Variants in ALAS2 observed in about 807,000 individuals in gnomAD.
ALAS2 encodes the protein 5'-aminolevulinate synthase 2, also known as 5-aminolevulinate synthase, erythroid-specific, mitochondrial.
A neutral mutation model predicts 33.7 loss-of-function variants in ALAS2; 3 were observed. The observed-to-expected ratio is 0.09, with a 90% CI of 0.04 to 0.23. The LOEUF is 0.23. Ranked by LOEUF, ALAS2 falls within the 10% of genes least tolerant of loss-of-function variation. ALAS2 has a pLI of 1.00. For missense variants in ALAS2, 304 were observed against 475.1 expected (o/e 0.64, Z 3.35); for synonymous variants, 191 against 177.3 (o/e 1.08, Z -0.61).
intron 4 of ALAS2, among the ~76,000 whole-genome samples, chrX:55,023,472 T>C: frequency 9.0e-6 from 1 of 110,807 alleles, no homozygotes; most frequent in African/African-American, 3.3e-5. Flanking sequence ...GAAGAAATAA[T>C]GGAAATAAGC....
rs182080312 is a variant in ALAS2, at chrX:55,010,707, G to A, written c.1601-1364C>T. ...AATACTACAACCCTTCTCTGAACTC[G>A]CCCCTGGCCCCTTATCCCATTCTCC... is the stretch of plus-strand genomic sequence containing the variant. On this transcript the variant is annotated intron_variant, in intron 10 of 10. Transcript: ENST00000650242. 3.6e-5 allele frequency among the ~76,000 whole-genome samples: 4 copies of A among 111,078 alleles called. No individual in the cohort carries two copies. The East Asian group carries it at 8.5e-4, about 24-fold the overall frequency.
At chrX:55,011,704 A>G (rs1935604778) in intron 10 of ALAS2, among the ~76,000 whole-genome samples, 1 of 112,015 alleles carries the variant, frequency 8.9e-6, no homozygotes, top group South Asian at 3.7e-4. Context: ...TGGATGCCTC[A>G]TATATTCTTA....
chrX:55,030,347 C>G (rs1261434825), intron 1 of ALAS2, among the ~76,000 whole-genome samples: 2 of 111,359 alleles, frequency 1.8e-5, no homozygotes, highest in African/African-American at 6.5e-5. Context: ...TCTCAATTCC[C>G]CAAATCTCTC....
chrX:55,023,552 T>G (rs945514398), intron 4 of ALAS2, among the ~76,000 whole-genome samples: 1 of 111,001 alleles, frequency 9.0e-6, no homozygotes, highest in Non-Finnish European at 1.9e-5. Flanking sequence ...CATGGTAACC[T>G]ATTGAGGTAG....
rs1309010431 is a variant in ALAS2 at position 55,023,872 on chromosome X, G to A, written c.305-5C>T. ...AGACCAGGGAGCTAGGCAGATCTGA[G>A]ACGGAATGTGAGATTCATTGGCCGT... On this transcript the variant is annotated splice_region_variant and splice_polypyrimidine_tract_variant and intron_variant, in intron 3 of 10. Coordinates refer to ENST00000650242, the MANE Select transcript of ALAS2 (RefSeq NM_000032.5). 2 of 1,183,308 alleles carry A rather than the reference G, an allele frequency of 1.7e-6. No individual in the cohort carries two copies. The highest frequency in any genetic ancestry group is 5.9e-5 in the East Asian group (2 of 33,653).
At chrX:55,015,834 T>C (rs1329533022) in intron 7 of ALAS2, 92 bp from the exon 8 acceptor site, 1 of 1,038,062 alleles carries the variant, frequency 9.6e-7, no homozygotes, top group East Asian at 3.1e-5. Context: ...CTACTTTGGG[T>C]TGGAAAAGGG....
chrX:55,019,136 G>A (rs1935755099), intron 6 of ALAS2, among the ~76,000 whole-genome samples: 2 of 110,348 alleles, frequency 1.8e-5, no homozygotes, highest in Non-Finnish European at 3.8e-5. Flanking sequence ...TAGCTAGAGA[G>A]TGATCAGGGG....
In ALAS2 at chrX:55,015,600, A is replaced by G. The variant is rs1000584823; in HGVS notation, c.1146T>C (p.Ile382=). ...IGERDGIMHK[I]DIISGTLGKA... is the part of the protein sequence containing the mutation. ...TACCAAGAGTTCCAGAGATGATGTC[A>G]ATCTTATGCATAATTCCATCACGCT... The change falls in exon 8 of 11, where the codon ATT becomes ATC. Residue 382 remains isoleucine (I), a synonymous_variant. Coordinates refer to ENST00000650242, the MANE Select transcript of ALAS2 (RefSeq NM_000032.5). 5.0e-6 allele frequency: 6 copies of G among 1,211,340 alleles called. No homozygotes were observed. The highest frequency in any genetic ancestry group is 6.7e-6 in the Non-Finnish European group (6 of 895,402).
At chrX:55,023,071 G>C (rs939616850) in intron 4 of ALAS2, among the ~76,000 whole-genome samples, 2 of 111,324 alleles carry the variant, frequency 1.8e-5, no homozygotes, top group Admixed American at 1.9e-4. Context: ...TTAACTGAAT[G>C]ATATTGAATC....
rs202150943 is a variant in ALAS2 at position 55,017,660 on chromosome X, C to T, written c.829G>A (p.Glu277Lys). 2.0e-5 allele frequency: 24 copies of T among 1,209,601 alleles called. No individual in the cohort carries two copies. The highest frequency in any genetic ancestry group is 8.7e-5 in the Admixed American group (4 of 45,797). The stretch of plus-strand genomic sequence containing the variant: ...TGGTTGCCTGCGTCTGAGTAAATCT[C>T]GCACCCTGAGGAAGCAGATGTATAA... ...FTLAKILPGCEIYSDAGNHAS... is the reference protein window; with the variant it reads ...FTLAKILPGCKIYSDAGNHAS... Residue 277 changes from glutamate to lysine, a missense_variant, in exon 7 of 11, where the codon GAG (glutamate) becomes AAG (lysine). Physicochemically the swap from Glu to Lys is moderately conservative, Grantham distance 56. Transcript: ENST00000650242.
intron 10 of ALAS2, 25 bp downstream of exon 10, chrX:55,013,461 G>A (rs781586751): frequency 1.1e-5 from 13 of 1,194,079 alleles, no homozygotes; most frequent in Admixed American, 6.6e-5. Flanking sequence ...GGGAGGTCCT[G>A]TAGGCACCCA....
chrX:55,019,309 GA>G (rs1935758817), intron 6 of ALAS2, among the ~76,000 whole-genome samples: 1 of 111,537 alleles, frequency 9.0e-6, no homozygotes, highest in Non-Finnish European at 1.9e-5. Flanking sequence ...TTAGTCACAA[GA>G]AAAAGGATAC....
At position 55,009,821 on chromosome X, in the gene ALAS2, C is replaced by G. The variant is rs185980009; in HGVS notation, c.1601-478G>C. Among the ~76,000 whole-genome samples the G allele has an allele frequency of 4.0e-3, 442 of 111,785 alleles. 3 individuals are homozygous for G. The highest frequency in any genetic ancestry group is 5.7e-3 in the Non-Finnish European group (301 of 53,119). On this transcript the variant is annotated intron_variant, in intron 10 of 10. Coordinates refer to ENST00000650242, the MANE Select transcript of ALAS2 (RefSeq NM_000032.5). Reference sequence around the variant, plus strand: ...GTACGTTCCAGGGCTCTGTTCTTGGCCTTTTCTGTGTTCATGCCCTTGTTG... The same window carrying G: ...GTACGTTCCAGGGCTCTGTTCTTGGGCTTTTCTGTGTTCATGCCCTTGTTG...
At chrX:55,027,704 C>T (rs1208179204) in intron 1 of ALAS2, 1 of 1,178,582 alleles carries the variant, frequency 8.5e-7, no homozygotes, top group East Asian at 3.0e-5. Flanking sequence ...CAACCTCCTT[C>T]ATCTCCCTCC....
At chrX:55,020,899 C>T (rs1336626427) in intron 5 of ALAS2, among the ~76,000 whole-genome samples, 153 bp downstream of exon 5, 2 of 111,974 alleles carry the variant, frequency 1.8e-5, no homozygotes, top group Non-Finnish European at 3.8e-5. Context: ...TGACTTATTT[C>T]ATATCCAAGG....
chrX:55,027,615 G>GT (rs1569547927), intron 1 of ALAS2: 1 of 594,154 alleles, frequency 1.7e-6, no homozygotes, highest in African/African-American at 2.2e-5. Context: ...TGTGAAGAAA[G>GT]TTACTGAGTA....
chrX:55,013,704 G>A, intron 9 of ALAS2, 56 bp from the exon 10 acceptor site: 3 of 1,165,656 alleles, frequency 2.6e-6, no homozygotes, highest in South Asian at 3.6e-5. Flanking sequence ...ACCATCACTA[G>A]CTCCATTAAG....
At chrX:55,021,768 A>G (rs1472469161) in intron 4 of ALAS2, among the ~76,000 whole-genome samples, 2 of 112,396 alleles carry the variant, frequency 1.8e-5, no homozygotes, top group Middle Eastern at 4.2e-3. Flanking sequence ...TATTCAAACT[A>G]ATAAATGGCA....
At chrX:55,013,761 G>T (rs1935648487) in intron 9 of ALAS2, 113 bp from the exon 10 acceptor site, 2 of 952,102 alleles carry the variant, frequency 2.1e-6, no homozygotes, top group African/African-American at 1.9e-5. Context: ...TTTTGGGATA[G>T]ATTTTTTTTT....
Sources: allele counts gnomAD v4.1 joint callset (sites outside exome capture counted in the v4.1 genomes callset), GRCh38; gene constraint gnomAD v4.1.1; transcripts MANE v1.5; gene names NCBI Gene and HGNC (gene_info 2026-07-23, HGNC 2026-07-21).